Variants in ANTXR2 observed in about 807,000 individuals in gnomAD.
The protein encoded by ANTXR2 is anthrax toxin receptor 2.
A neutral mutation model predicts 73.7 loss-of-function variants in ANTXR2; 44 were observed. The ratio of observed to expected loss-of-function variants is 0.60; its 90% CI spans 0.47 to 0.77. The LOEUF (loss-of-function observed/expected upper bound fraction) is 0.77, where lower values mean the gene tolerates loss of function less well. Ranked by LOEUF, ANTXR2 falls within the 30% of genes least tolerant of loss-of-function variation. The pLI, the probability that ANTXR2 is intolerant of heterozygous loss-of-function variation, is 0.00. For synonymous variants in ANTXR2, 217 were observed against 205.9 expected (o/e 1.05, Z -0.46); for missense variants, 604 against 592.5 (o/e 1.02, Z -0.20).
chr4:79,987,956 G>T (rs1174780722), intron 12 of ANTXR2, among the ~76,000 whole-genome samples: 1 of 151,908 alleles, frequency 6.6e-6, no homozygotes, highest in African/African-American at 2.4e-5. Flanking sequence ...TTTACAAGAG[G>T]TCCTAAAGGG....
In ANTXR2 at chr4:79,919,910, TATATATATATAA is replaced by T. The variant is rs1560856516; in HGVS notation, c.1429-12455_1429-12444del. 6.2e-3 allele frequency among the ~76,000 whole-genome samples: 112 copies of T among 18,198 alleles called. 5 individuals carry two copies. The highest frequency in any genetic ancestry group is 0.016 in the African/African-American group (62 of 3,764). The allele number at this position is 18,198 out of a possible 152,430, so 11.9% of individuals were successfully genotyped here. A position where few individuals can be genotyped will look rare whatever the true frequency, so the allele number is the denominator to read the frequency against. On this transcript the variant is annotated intron_variant, in intron 16 of 16. Transcript: ENST00000403729. ...ATATATATATATATATATATATATA[TATATATATATAA>T]AAAATGATAGGGCAGACAAGTAATT...
intron 11 of ANTXR2, among the ~76,000 whole-genome samples, chr4:80,009,589 C>A (rs182884547): frequency 6.6e-6 from 1 of 152,110 alleles, no homozygotes; most frequent in Non-Finnish European, 1.5e-5. Context: ...ATGGCTCACG[C>A]CTGTAATCCC....
At chr4:80,004,317 G>A (rs1165431560) in intron 12 of ANTXR2, among the ~76,000 whole-genome samples, 2 of 151,962 alleles carry the variant, frequency 1.3e-5, no homozygotes, top group African/African-American at 2.4e-5. Flanking sequence ...CAACTCTGGG[G>A]AATATCAGAA....
chr4:79,904,125 C>A lies in ANTXR2; in HGVS notation c.*3304G>T, dbSNP rs1726819032. On this transcript the variant is annotated 3_prime_UTR_variant, in exon 17 of 17. Coordinates refer to ENST00000403729, the MANE Select transcript of ANTXR2 (RefSeq NM_058172.6). ...GAATTTGTTTCAACTTTAAACTAAA[C>A]AAATGTATCTGCCTCTGAGCAGTAA... 1 of 151,862 alleles carries A rather than the reference C, an allele frequency of 6.6e-6. No individual in the cohort carries two copies. Among genetic ancestry groups the A allele is most frequent in the South Asian group, 2.1e-4 (1 of 4,830 alleles). 9.4% of individuals were successfully genotyped at this position (151,862 alleles called of 1,614,324 possible). A position where few individuals can be genotyped will look rare whatever the true frequency, so the allele number is the denominator to read the frequency against.
At chr4:80,037,962 A>C (rs1733057735) in intron 7 of ANTXR2, among the ~76,000 whole-genome samples, 1 of 152,128 alleles carries the variant, frequency 6.6e-6, no homozygotes, top group South Asian at 2.1e-4. Flanking sequence ...ATCTTAAAAC[A>C]GATCTTATTA....
chr4:80,067,071 TG>T (rs1460114850), intron 3 of ANTXR2, among the ~76,000 whole-genome samples: 1 of 151,920 alleles, frequency 6.6e-6, no homozygotes, highest in Non-Finnish European at 1.5e-5. Context: ...CCGGGCGTGG[TG>T]GTGGGTGCCT....
chr4:80,010,869 C>A (rs192297231), intron 11 of ANTXR2, among the ~76,000 whole-genome samples: 3 of 151,982 alleles, frequency 2.0e-5, no homozygotes, highest in African/African-American at 7.3e-5. Flanking sequence ...TAAAAATGGC[C>A]GGGCACAGTG....
intron 6 of ANTXR2, 52 bp from the exon 7 acceptor site, chr4:80,054,404 A>AAACAG: frequency 3.2e-6 from 4 of 1,269,700 alleles, no homozygotes; most frequent in Non-Finnish European, 4.4e-6. Context: ...ACATACAACA[A>AAACAG]TTTATAAACT....
At chr4:80,025,368 C>T (rs564873395) in intron 10 of ANTXR2, among the ~76,000 whole-genome samples, 2 of 152,278 alleles carry the variant, frequency 1.3e-5, no homozygotes, top group South Asian at 2.1e-4. Flanking sequence ...TTATGATTGA[C>T]ATTTCAATCC....
At chr4:79,999,545 A>C (rs900000483) in intron 12 of ANTXR2, among the ~76,000 whole-genome samples, 1 of 152,042 alleles carries the variant, frequency 6.6e-6, no homozygotes, top group Admixed American at 6.6e-5. Context: ...AGTCTGGTGA[A>C]TCTATCCCAT....
chr4:79,920,894 T>C (rs751075990), intron 16 of ANTXR2, among the ~76,000 whole-genome samples: 1 of 152,074 alleles, frequency 6.6e-6, no homozygotes, highest in Non-Finnish European at 1.5e-5. Flanking sequence ...AAAATACCCA[T>C]CAGACAATAT....
chr4:80,003,656 C>G (rs1036509532), intron 12 of ANTXR2, among the ~76,000 whole-genome samples: 1 of 151,930 alleles, frequency 6.6e-6, no homozygotes, highest in Non-Finnish European at 1.5e-5. Flanking sequence ...GATAAGCACA[C>G]GAAAACATGT....
At chr4:80,005,544 T>C (rs1731262901) in intron 12 of ANTXR2, among the ~76,000 whole-genome samples, 1 of 152,136 alleles carries the variant, frequency 6.6e-6, no homozygotes, top group Non-Finnish European at 1.5e-5. Flanking sequence ...CCTGCGATTG[T>C]ATTATAATAC....
chr4:80,022,586 T>A (rs561200744), intron 10 of ANTXR2, among the ~76,000 whole-genome samples: 1 of 152,228 alleles, frequency 6.6e-6, no homozygotes, highest in Non-Finnish European at 1.5e-5. Context: ...ATATTTTATG[T>A]CATTTCTGTT....
chr4:80,025,246 G>A (rs1175093316), intron 10 of ANTXR2, among the ~76,000 whole-genome samples: 1 of 152,054 alleles, frequency 6.6e-6, no homozygotes, highest in African/African-American at 2.4e-5. Flanking sequence ...AGTCCTAATA[G>A]TCACATACTT....
At position 79,902,006 on chromosome 4, in the gene ANTXR2, G is replaced by T. The variant is rs997738764; in HGVS notation, c.*5423C>A. On this transcript the variant is annotated 3_prime_UTR_variant, in exon 17 of 17. Transcript: ENST00000403729. ...TCTAACAGGCCATGGACCAGTACCA[G>T]TCCATGACCTGGGGGATGGGATCCC... The T allele has an allele frequency of 6.6e-6, 1 of 152,094 alleles. No homozygotes were observed. Among genetic ancestry groups the T allele is most frequent in the African/African-American group, 2.4e-5 (1 of 41,420 alleles). The allele number at this position is 152,094 out of a possible 1,614,324, so 9.4% of individuals were successfully genotyped here.
intron 3 of ANTXR2, among the ~76,000 whole-genome samples, chr4:80,060,731 T>C (rs561287760): frequency 2.8e-4 from 42 of 152,302 alleles, no homozygotes; most frequent in African/African-American, 8.9e-4. Context: ...TAGGTATGTA[T>C]GTATAGAAAA....
At position 80,072,819 on chromosome 4, in the gene ANTXR2, T is replaced by G; in HGVS notation, c.-259A>C. On this transcript the variant is annotated 5_prime_UTR_variant, in exon 1 of 17. Coordinates refer to ENST00000403729, the MANE Select transcript of ANTXR2 (RefSeq NM_058172.6). The stretch of plus-strand genomic sequence containing the variant: ...GAATCCCAGTGGAAGCGCGATCCAG[T>G]CCTCCCCCTCCCGATTCCGGAGAGT... 1 of 826,842 alleles carries G rather than the reference T, an allele frequency of 1.2e-6. No individual in the cohort carries two copies. The highest frequency in any genetic ancestry group is 1.6e-6 in the Non-Finnish European group (1 of 613,828). The allele number at this position is 826,842 out of a possible 1,614,324, so 51.2% of individuals were successfully genotyped here.
chr4:80,055,054 C>G, intron 6 of ANTXR2, 96 bp downstream of exon 6: 1 of 1,103,938 alleles, frequency 9.1e-7, no homozygotes, highest in Non-Finnish European at 1.3e-6. Flanking sequence ...AACAATCGAC[C>G]AGTGTCACAA....
Sources: gnomAD v4.1 joint callset for allele counts (sites outside exome capture counted in the v4.1 genomes callset) on GRCh38, gnomAD v4.1.1 for gene constraint, MANE v1.5 for transcripts, NCBI Gene and HGNC (gene_info 2026-07-23, HGNC 2026-07-21) for gene names.